EPYC: variants seen among roughly 807,000 people sequenced by gnomAD.
EPYC encodes dermatan sulfate proteoglycan 3.
A neutral mutation model predicts 30.1 loss-of-function variants in EPYC; 28 were observed. The ratio of observed to expected loss-of-function variants is 0.93; its 90% CI spans 0.69 to 1.28. The LOEUF (loss-of-function observed/expected upper bound fraction) is 1.28. Ranked by LOEUF, EPYC falls within the 50% of genes most tolerant of loss-of-function variation. The probability of loss-of-function intolerance (pLI) is 0.00; values close to 1 mark genes in which losing one functional copy is unlikely to be tolerated. For missense variants in EPYC, 382 were observed against 383.5 expected (o/e 1.00, Z 0.03); for synonymous variants, 144 against 141.4 (o/e 1.02, Z -0.13).
intron 4 of EPYC, chr12:90,972,590 A>C: frequency 2.7e-6 from 1 of 370,222 alleles, no homozygotes; most frequent in Non-Finnish European, 4.9e-6. Context: ...TATTTAGTTT[A>C]AATTGCTCAT....
chr12:91,002,437 C>G lies in EPYC; in HGVS notation c.129G>C (p.Leu43Phe). 1 of 1,612,940 alleles carries G rather than the reference C, an allele frequency of 6.2e-7. No individual in the cohort carries two copies. Among genetic ancestry groups the G allele is most frequent in the Non-Finnish European group, 8.5e-7 (1 of 1,179,458 alleles). Residue 43 changes from leucine to phenylalanine, a missense_variant, in exon 2 of 7, where the codon TTG becomes TTC. Transcript: ENST00000261172. ...YDATLEDLDN[L>F]YNYENIPVDK... ...CAACAGGTATGTTTTCATAGTTGTACAAATTATCCAGGTCTTCTAAGGTGG... is the reference window on the plus strand; with the variant it reads ...CAACAGGTATGTTTTCATAGTTGTAGAAATTATCCAGGTCTTCTAAGGTGG...
chr12:90,991,282 T>G (rs1565875042), intron 2 of EPYC, among the ~76,000 whole-genome samples: 1 of 152,142 alleles, frequency 6.6e-6, no homozygotes, highest in Admixed American at 6.5e-5. Context: ...AAGACAGGGT[T>G]TACTAGAATT....
At chr12:90,989,539 A>G (rs924699374) in intron 2 of EPYC, among the ~76,000 whole-genome samples, 3 of 152,032 alleles carry the variant, frequency 2.0e-5, no homozygotes, top group Admixed American at 2.0e-4. Context: ...ATCCCAATGT[A>G]TAGTTATTTT....
chr12:90,966,152 A>G (rs2120790604), intron 6 of EPYC, among the ~76,000 whole-genome samples: 1 of 152,104 alleles, frequency 6.6e-6, no homozygotes, highest in East Asian at 1.9e-4. Context: ...TAATAGTCCT[A>G]GCTATAACTG....
chr12:90,983,644 C>T (rs543350329), intron 2 of EPYC, among the ~76,000 whole-genome samples: 1 of 152,052 alleles, frequency 6.6e-6, no homozygotes, highest in African/African-American at 2.4e-5. Flanking sequence ...AAAGTCACAT[C>T]GCCCAAGTGA....
intron 6 of EPYC, among the ~76,000 whole-genome samples, chr12:90,966,327 C>T (rs10859081): frequency 0.72 from 109,502 of 151,866 alleles, 41,392 homozygotes; most frequent in Non-Finnish European, 0.83. Flanking sequence ...CCTAGTTTTA[C>T]TTTTTTAGTA....
chr12:90,998,660 A>G (rs1192299110), intron 2 of EPYC, among the ~76,000 whole-genome samples: 2 of 152,150 alleles, frequency 1.3e-5, no homozygotes, highest in African/African-American at 4.8e-5. Context: ...TTACAGTGGA[A>G]TAATTCAAAT....
In EPYC at chr12:90,978,274, A is replaced by G; in HGVS notation, c.166-12T>C. 4 of 1,574,066 alleles carry G rather than the reference A, an allele frequency of 2.5e-6. No individual in the cohort carries two copies. The highest frequency in any genetic ancestry group is 3.4e-6 in the Non-Finnish European group (4 of 1,168,050). On this transcript the variant is annotated splice_polypyrimidine_tract_variant and intron_variant, in intron 2 of 6. Transcript: ENST00000261172. Reference sequence around the variant, plus strand: ...GTGGCTATTTCAATCTGAAAAAAAAAAAAAAAAGAGAATTTCTTCAGGCCA... The same window carrying G: ...GTGGCTATTTCAATCTGAAAAAAAAGAAAAAAAGAGAATTTCTTCAGGCCA...
rs1209471795 is a variant in EPYC, at chr12:90,977,657, G to A, written c.340+431C>T. 2.6e-5 allele frequency among the ~76,000 whole-genome samples: 4 copies of A among 152,102 alleles called. No individual in the cohort carries two copies. In the South Asian group the frequency reaches 6.2e-4, roughly 24 times the overall value. On this transcript the variant is annotated intron_variant, in intron 3 of 6. Coordinates refer to ENST00000261172, the MANE Select transcript of EPYC (RefSeq NM_004950.5). ...ATCCAATGAGATAATGTGAAGTGCT[G>A]AGCATATAGGCCACAGATAGTATAT...
rs773940315 is a variant in EPYC at position 90,994,956 on chromosome 12, C to T, written c.165+7445G>A. On this transcript the variant is annotated intron_variant, in intron 2 of 6. Coordinates refer to ENST00000261172, the MANE Select transcript of EPYC (RefSeq NM_004950.5). ...AAGCTACTCCTCTGTATTACCACTA[C>T]GGCAACAATTGACTTCTAAAGGCGT... Among the ~76,000 whole-genome samples, 15 of 152,062 alleles carry T rather than the reference C, an allele frequency of 9.9e-5. No homozygotes were observed. In the East Asian group the frequency reaches 1.2e-3, roughly 12 times the overall value.
intron 2 of EPYC, among the ~76,000 whole-genome samples, chr12:90,990,678 A>G (rs2120851974): frequency 6.6e-6 from 1 of 152,250 alleles, no homozygotes; most frequent in East Asian, 1.9e-4. Flanking sequence ...ATGACCATAG[A>G]ACAAGTACAA....
rs184865193 is a variant in EPYC at position 91,002,227 on chromosome 12, C to T, written c.165+174G>A. The stretch of plus-strand genomic sequence containing the variant: ...AAAAAAAAAAGGGCAAAAGACTGTT[C>T]CGGTATTAACCTCCAAAAGATTGAA... On this transcript the variant is annotated intron_variant, in intron 2 of 6. Transcript: ENST00000261172. 5.4e-3 allele frequency among the ~76,000 whole-genome samples: 781 copies of T among 143,548 alleles called. 7 individuals carry two copies. Among genetic ancestry groups the T allele is most frequent in the Non-Finnish European group, 8.4e-3 (555 of 66,006 alleles). The allele number at this position is 143,548 out of a possible 152,430, so 94.2% of individuals were successfully genotyped here.
Position 90,999,260 on chromosome 12 carries a change from T to C in EPYC, c.165+3141A>G, listed in dbSNP as rs562664014. Among the ~76,000 whole-genome samples, 3 of 152,172 alleles carry C rather than the reference T, an allele frequency of 2.0e-5. No individual in the cohort carries two copies. The East Asian group carries it at 5.8e-4, about 29-fold the overall frequency. ...ACTTTTAGGGAACATCTTAGAATTCTGCCTGCAATATACATCAAAGGCCTT... is the reference window on the plus strand; with the variant it reads ...ACTTTTAGGGAACATCTTAGAATTCCGCCTGCAATATACATCAAAGGCCTT... On this transcript the variant is annotated intron_variant, in intron 2 of 6. Coordinates refer to ENST00000261172, the MANE Select transcript of EPYC (RefSeq NM_004950.5).
chr12:90,999,012 A>G (rs893890540), intron 2 of EPYC, among the ~76,000 whole-genome samples: 2 of 152,078 alleles, frequency 1.3e-5, no homozygotes, highest in African/African-American at 4.8e-5. Flanking sequence ...TAAGTCATCA[A>G]CACACAGTTC....
At chr12:91,000,737 A>G (rs1877803782) in intron 2 of EPYC, among the ~76,000 whole-genome samples, 1 of 152,084 alleles carries the variant, frequency 6.6e-6, no homozygotes, top group African/African-American at 2.4e-5. Flanking sequence ...GAAATGACAA[A>G]TAAGTTTGAA....
intron 1 of EPYC, among the ~76,000 whole-genome samples, chr12:91,004,294 T>A (rs989915964): frequency 3.9e-5 from 6 of 152,106 alleles, no homozygotes; most frequent in African/African-American, 1.4e-4. Flanking sequence ...TGCTTGCATT[T>A]TGCATCACTC....
intron 1 of EPYC, among the ~76,000 whole-genome samples, chr12:91,002,831 T>C (rs138160531): frequency 6.7e-6 from 1 of 149,152 alleles, no homozygotes; most frequent in African/African-American, 2.5e-5. Flanking sequence ...AATTTTATTT[T>C]ATTTTATAGA....
In EPYC at chr12:90,972,971, G is replaced by C; in HGVS notation, c.350C>G (p.Thr117Ser). 6.3e-7 allele frequency: 1 copy of C among 1,580,992 alleles called. No homozygotes were observed. Among genetic ancestry groups the C allele is most frequent in the South Asian group, 1.2e-5 (1 of 85,432 alleles). The change falls in exon 4 of 7, where the codon ACC becomes AGC. Residue 117 changes from threonine (T) to serine (S), a missense_variant. Transcript: ENST00000261172. ...LGPHTNEDFP[T>S]CLLCTCISTT... The stretch of plus-strand genomic sequence containing the variant: ...ACTTATACAAGTACACAAAAGACAG[G>C]TTGGAAAGTCTAAAAGATAAAGGAA...
chr12:90,989,802 C>T (rs937557357), intron 2 of EPYC, among the ~76,000 whole-genome samples: 3 of 151,978 alleles, frequency 2.0e-5, no homozygotes, highest in African/African-American at 4.8e-5. Context: ...TCAGCTTTAT[C>T]CCAGTTTATT....
Sources: gnomAD v4.1 joint callset for allele counts (sites outside exome capture counted in the v4.1 genomes callset) on GRCh38, gnomAD v4.1.1 for gene constraint, MANE v1.5 for transcripts, NCBI Gene and HGNC (gene_info 2026-07-23, HGNC 2026-07-21) for gene names.